The following WNT6 variants were observed in gnomAD, a reference collection of about 807,000 sequenced individuals.
WNT6 encodes the protein Wnt family member 6, also known as protein Wnt-6.
WNT6 carries 27 observed loss-of-function variants against 33.1 expected under a neutral mutation model. The observed-to-expected ratio is 0.82, with a 90% CI of 0.60 to 1.12. The LOEUF (loss-of-function observed/expected upper bound fraction) is 1.12, where lower values mean the gene tolerates loss of function less well. Among genes scored for constraint, WNT6 ranks in the 50% most tolerant of loss-of-function variants. The pLI is 0.00. For missense variants in WNT6, 494 were observed against 535.3 expected, an observed-to-expected ratio of 0.92 and a Z score of 0.76; for synonymous variants, 249 against 242.8, an observed-to-expected ratio of 1.03 and a Z score of -0.24.
At chr2:218,870,912 G>A (rs1434856270) in intron 1 of WNT6, 115 bp from the exon 2 acceptor site, 2 of 936,024 alleles carry the variant, frequency 2.1e-6, no homozygotes, top group African/African-American at 1.7e-5. Flanking sequence ...TTGGAGGTAG[G>A]GTGGGAGGGC....
rs1044356460 is a variant in WNT6 at position 218,873,363 on chromosome 2, C to T, written c.637-21C>T. On this transcript the variant is annotated intron_variant, in intron 3 of 3. Coordinates refer to ENST00000233948, the MANE Select transcript of WNT6 (RefSeq NM_006522.4). This position sits in a 1 kb window ranked among gnomAD's most constrained non-coding sequence, Gnocchi z 6.1. ...GCACCCCCTACCTGTCCACATGCGT[C>T]CGCCCCTCTGCCTCCCGCAGGCCGT... 7 of 1,530,308 alleles carry T rather than the reference C, an allele frequency of 4.6e-6. No homozygotes were observed. The highest frequency in any genetic ancestry group is 6.1e-6 in the Non-Finnish European group (7 of 1,143,990). The allele number at this position is 1,530,308 out of a possible 1,614,324, so 94.8% of individuals were successfully genotyped here.
At chr2:218,868,935 A>C (rs1462089250) in intron 1 of WNT6, among the ~76,000 whole-genome samples, 5 of 152,174 alleles carry the variant, frequency 3.3e-5, no homozygotes, top group Non-Finnish European at 7.4e-5. Context: ...AGCTGCCTCC[A>C]ATCCTTCTTA....
intron 1 of WNT6, among the ~76,000 whole-genome samples, chr2:218,860,994 C>T (rs1944303545): frequency 6.6e-6 from 1 of 152,176 alleles, no homozygotes; most frequent in Non-Finnish European, 1.5e-5. Flanking sequence ...CGCAAACCCT[C>T]GCCCGGAATA....
intron 1 of WNT6, among the ~76,000 whole-genome samples, chr2:218,869,302 C>T (rs1450322501): frequency 2.6e-5 from 4 of 152,290 alleles, no homozygotes; most frequent in East Asian, 3.9e-4. Context: ...GCTTACTACA[C>T]ATCTTCCTGT....
In WNT6 at chr2:218,873,897, G is replaced by A; in HGVS notation, c.*52G>A. 1 of 1,392,210 alleles carries A rather than the reference G, an allele frequency of 7.2e-7. No individual in the cohort carries two copies. The highest frequency in any genetic ancestry group is 9.3e-7 in the Non-Finnish European group (1 of 1,077,752). 86.2% of individuals were successfully genotyped at this position (1,392,210 alleles called of 1,614,324 possible). ...TCGCGCAGCGGTGGCTCGCACCTGT[G>A]GGACCTCAGGGCACCGGCACCGGGC... On this transcript the variant is annotated 3_prime_UTR_variant, in exon 4 of 4. Transcript: ENST00000233948. This position sits in a 1 kb window ranked among gnomAD's most constrained non-coding sequence, Gnocchi z 6.1.
chr2:218,870,936 C>A, intron 1 of WNT6, 91 bp from the exon 2 acceptor site: 1 of 1,271,010 alleles, frequency 7.9e-7, no homozygotes, highest in Non-Finnish European at 1.1e-6. Flanking sequence ...TCACAGCTCC[C>A]GCTGCGGGCT....
intron 1 of WNT6, among the ~76,000 whole-genome samples, chr2:218,869,100 T>A: frequency 6.6e-6 from 1 of 152,166 alleles, no homozygotes; most frequent in East Asian, 1.9e-4. Context: ...GGGCCAGTGC[T>A]GGGCTGGTCT....
Position 218,871,661 on chromosome 2 carries a change from T to A in WNT6, c.478T>A (p.Ser160Thr), listed in dbSNP as rs762558422. The A allele has an allele frequency of 6.6e-7, 1 of 1,524,748 alleles. No individual in the cohort carries two copies. Among genetic ancestry groups the A allele is most frequent in the South Asian group, 1.2e-5 (1 of 80,212 alleles). The allele number at this position is 1,524,748 out of a possible 1,614,324, so 94.5% of individuals were successfully genotyped here. Residue 160 changes from serine to threonine, a missense_variant, in exon 3 of 4, where the codon TCC (serine) becomes ACC (threonine). By Grantham distance (58) the Ser-to-Thr change is moderately conservative (BLOSUM62 1). Transcript: ENST00000233948. This position sits in a 1 kb window ranked among gnomAD's most constrained non-coding sequence, Gnocchi z 6.4. ...CCCCGGACCCCCTGGCCCCGCGGGC[T>A]CCCCGGAAGGCAGCGCCGCCTGGGA... ...GTPGPPGPAG[S>T]PEGSAAWEWG...
intron 1 of WNT6, among the ~76,000 whole-genome samples, chr2:218,862,102 C>T (rs1397205892): frequency 4.6e-5 from 7 of 152,090 alleles, no homozygotes; most frequent in Non-Finnish European, 1.0e-4. Flanking sequence ...CCCTGAGAGA[C>T]TGACCCTGAA....
rs1351823154 is a variant in WNT6 at position 218,871,665 on chromosome 2, C to T, written c.482C>T (p.Pro161Leu). The T allele has an allele frequency of 3.9e-6, 6 of 1,542,076 alleles. No individual in the cohort carries two copies. Among genetic ancestry groups the T allele is most frequent in the East Asian group, 2.6e-5 (1 of 38,302 alleles). ...TPGPPGPAGS[P>L]EGSAAWEWGG... ...GGACCCCCTGGCCCCGCGGGCTCCC[C>T]GGAAGGCAGCGCCGCCTGGGAGTGG... Residue 161 changes from proline (P) to leucine (L), a missense_variant, in exon 3 of 4, where the codon CCG (proline) becomes CTG (leucine). Physicochemically the swap from Pro to Leu is moderately conservative, Grantham distance 98 (BLOSUM62 -3). Transcript: ENST00000233948. The surrounding 1 kb of genome is among the most constrained non-coding windows in gnomAD (Gnocchi z 6.4).
intron 1 of WNT6, among the ~76,000 whole-genome samples, chr2:218,861,909 C>G (rs1217856142): frequency 2.0e-5 from 3 of 152,194 alleles, no homozygotes; most frequent in African/African-American, 7.2e-5. Flanking sequence ...CTTCCCTGCT[C>G]CTGGAAGGCA....
chr2:218,870,964 C>T, intron 1 of WNT6, 63 bp from the exon 2 acceptor site: 2 of 1,469,478 alleles, frequency 1.4e-6, no homozygotes, highest in South Asian at 2.7e-5. Flanking sequence ...GCTGGTCCTC[C>T]TCCCTTCCAC....
At chr2:218,872,567 G>C (rs1944412335) in intron 3 of WNT6, among the ~76,000 whole-genome samples, 1 of 152,166 alleles carries the variant, frequency 6.6e-6, no homozygotes, top group South Asian at 2.1e-4. Flanking sequence ...GTTCCAGGAG[G>C]GGGCAGGGCA....
At chr2:218,869,687 T>C (rs1451260377) in intron 1 of WNT6, among the ~76,000 whole-genome samples, 2 of 152,220 alleles carry the variant, frequency 1.3e-5, no homozygotes, top group Non-Finnish European at 2.9e-5. Context: ...AGCATTCTGA[T>C]GAGAGCAGTT....
At chr2:218,872,799 T>A (rs1944414711) in intron 3 of WNT6, among the ~76,000 whole-genome samples, 1 of 152,062 alleles carries the variant, frequency 6.6e-6, no homozygotes, top group Non-Finnish European at 1.5e-5. Flanking sequence ...TCTAGCGTTC[T>A]CCAGGGACAT....
chr2:218,863,176 G>C (rs145286045), intron 1 of WNT6, among the ~76,000 whole-genome samples: 1 of 152,262 alleles, frequency 6.6e-6, no homozygotes, highest in Non-Finnish European at 1.5e-5. Flanking sequence ...GGCTCTTCCA[G>C]TCCCCTAAAT....
chr2:218,870,086 T>A (rs867422025), intron 1 of WNT6, among the ~76,000 whole-genome samples: 11 of 152,016 alleles, frequency 7.2e-5, no homozygotes, highest in Non-Finnish European at 4.4e-5. Flanking sequence ...CCAGGCCTGG[T>A]GGTGCACACC....
In WNT6 at chr2:218,873,483, G is replaced by A; in HGVS notation, c.736G>A (p.Val246Met). 1 of 1,538,972 alleles carries A rather than the reference G, an allele frequency of 6.5e-7. No individual in the cohort carries two copies. Residue 246 changes from valine to methionine, a missense_variant, in exon 4 of 4, where the codon GTG becomes ATG. By Grantham distance (21) the Val-to-Met change is conservative. Transcript: ENST00000233948. This position sits in a 1 kb window ranked among gnomAD's most constrained non-coding sequence, Gnocchi z 6.1. ...CWQKLPPFRE[V>M]GARLLERFHG... The stretch of plus-strand genomic sequence containing the variant: ...GCAGAAGCTGCCTCCATTTCGCGAG[G>A]TGGGCGCGCGGCTGCTGGAGCGCTT...
intron 3 of WNT6, among the ~76,000 whole-genome samples, 189 bp downstream of exon 3, chr2:218,872,008 C>T (rs1023978617): frequency 1.5e-4 from 22 of 151,652 alleles, no homozygotes; most frequent in Non-Finnish European, 2.9e-4. Context: ...GGTGTCCAGC[C>T]TCCAAGAAGG....
Sources: allele counts gnomAD v4.1 joint callset (sites outside exome capture counted in the v4.1 genomes callset), GRCh38; gene constraint gnomAD v4.1.1; non-coding constraint Gnocchi (gnomAD v3.1); transcripts MANE v1.5; gene names NCBI Gene and HGNC (gene_info 2026-07-23, HGNC 2026-07-21).